The following SEMA6D variants were observed in gnomAD, a reference collection of about 807,000 sequenced individuals.
SEMA6D encodes semaphorin 6D.
A neutral mutation model predicts 106.6 loss-of-function variants in SEMA6D; 35 were observed. The observed-to-expected ratio is 0.33, with a 90% confidence interval of 0.25 to 0.44. The LOEUF is 0.44. Among genes scored for constraint, SEMA6D ranks in the 20% least tolerant of loss-of-function variants. The pLI is 1.00. For synonymous variants in SEMA6D, 499 were observed against 487.7 expected (o/e 1.02, Z -0.31); for missense variants, 1,185 against 1,345.9 (o/e 0.88, Z 1.87).
At chr15:47,601,561 A>G (rs138624435) in intron 4 of SEMA6D, among the ~76,000 whole-genome samples, 1 of 152,226 alleles carries the variant, frequency 6.6e-6, no homozygotes, top group African/African-American at 2.4e-5. Context: ...CATATGCTTC[A>G]GAAGGAAAAA....
chr15:47,656,398 G>A (rs2077795454), intron 4 of SEMA6D, among the ~76,000 whole-genome samples: 1 of 152,160 alleles, frequency 6.6e-6, no homozygotes, highest in Non-Finnish European at 1.5e-5. Context: ...AATATTTACT[G>A]TGTAAAGTGT....
chr15:47,289,015 T>C (rs1254687210), intron 1 of SEMA6D, among the ~76,000 whole-genome samples: 1 of 151,864 alleles, frequency 6.6e-6, no homozygotes, highest in Admixed American at 6.6e-5. Context: ...TGGAGAGAGA[T>C]TGAGGCCCAG....
At chr15:47,570,022 C>G (rs1327782026) in intron 3 of SEMA6D, among the ~76,000 whole-genome samples, 2 of 126,752 alleles carry the variant, frequency 1.6e-5, no homozygotes, top group South Asian at 2.8e-4. Flanking sequence ...GATCGCACCA[C>G]TGCACTCCCA....
intron 3 of SEMA6D, among the ~76,000 whole-genome samples, chr15:47,549,598 C>G (rs947907801): frequency 6.6e-6 from 1 of 151,978 alleles, no homozygotes; most frequent in Non-Finnish European, 1.5e-5. Flanking sequence ...TTTCAAAGAT[C>G]TAGAATACAA....
chr15:47,454,693 C>G (rs2042295563), intron 2 of SEMA6D, among the ~76,000 whole-genome samples: 1 of 151,818 alleles, frequency 6.6e-6, no homozygotes. Context: ...TTCTTATTCA[C>G]CTCAGCAACC....
intron 1 of SEMA6D, among the ~76,000 whole-genome samples, chr15:47,378,138 G>T (rs1595865872): frequency 6.6e-6 from 1 of 152,170 alleles, no homozygotes; most frequent in East Asian, 1.9e-4. Context: ...CAAAAGAAGT[G>T]TGTTTAAAGT....
chr15:47,443,480 C>T (rs1328524013), intron 2 of SEMA6D, among the ~76,000 whole-genome samples: 1 of 152,156 alleles, frequency 6.6e-6, no homozygotes, highest in South Asian at 2.1e-4. Flanking sequence ...AACACAGAGC[C>T]ATGCCCAGGC....
rs544677783 is a variant in SEMA6D at position 47,250,191 on chromosome 15, T to C, written c.-239+65773T>C. ...CACAGGAATGATTGTCTATATTTTG[T>C]AACTAAAGGAACATCCACTATGATA... is the stretch of plus-strand genomic sequence containing the variant. On this transcript the variant is annotated intron_variant, in intron 1 of 19. Coordinates refer to the SEMA6D transcript ENST00000558014. Among the ~76,000 whole-genome samples the C allele has an allele frequency of 3.3e-5, 5 of 152,294 alleles. No homozygotes were observed. The South Asian group carries it at 1.0e-3, about 32-fold the overall frequency.
chr15:47,537,766 A>G (rs921300233), intron 3 of SEMA6D, among the ~76,000 whole-genome samples: 6 of 152,160 alleles, frequency 3.9e-5, no homozygotes, highest in Admixed American at 2.0e-4. Flanking sequence ...ATCAAGGATA[A>G]ATGACGTGTG....
chr15:47,643,460 G>A (rs959093579), intron 4 of SEMA6D, among the ~76,000 whole-genome samples: 3 of 152,182 alleles, frequency 2.0e-5, no homozygotes, highest in African/African-American at 7.2e-5. Context: ...CAACATGAGA[G>A]CAGGTCTTCT....
chr15:47,737,054 TTAGGAAGGAAAAAGTAGGAGG>T (rs1316121375), intron 1 of SEMA6D, among the ~76,000 whole-genome samples: 7 of 152,012 alleles, frequency 4.6e-5, no homozygotes, highest in South Asian at 4.2e-4. Context: ...TTTCAGAAGC[TTAGGAAGGAAAAAGTAGGAGG>T]TAGGAAGGAA....
intron 1 of SEMA6D, among the ~76,000 whole-genome samples, chr15:47,203,384 G>GA (rs1319811714): frequency 1.3e-5 from 2 of 152,126 alleles, no homozygotes; most frequent in African/African-American, 4.8e-5. Flanking sequence ...TCAATCACTG[G>GA]AAAAGAGAAG....
chr15:47,477,592 G>A (rs1252324632), intron 3 of SEMA6D, among the ~76,000 whole-genome samples: 2 of 152,114 alleles, frequency 1.3e-5, no homozygotes, highest in Non-Finnish European at 2.9e-5. Context: ...TGTATTTAAT[G>A]TTTTAATAAG....
At chr15:47,449,291 G>A (rs1195940221) in intron 2 of SEMA6D, among the ~76,000 whole-genome samples, 1 of 152,076 alleles carries the variant, frequency 6.6e-6, no homozygotes, top group African/African-American at 2.4e-5. Context: ...CTGAAGATAT[G>A]TTTATGAAAA....
At chr15:47,701,273 A>G (rs368963192) in intron 4 of SEMA6D, among the ~76,000 whole-genome samples, 36 of 152,314 alleles carry the variant, frequency 2.4e-4, no homozygotes, top group South Asian at 1.2e-3. Context: ...CCCAATTAAA[A>G]AATAGGCCAA....
intron 1 of SEMA6D, among the ~76,000 whole-genome samples, chr15:47,748,336 A>G (rs1159853746): frequency 6.6e-6 from 1 of 152,112 alleles, no homozygotes; most frequent in Non-Finnish European, 1.5e-5. Flanking sequence ...TTCTTTCTTT[A>G]TTTCTTCCTC....
intron 1 of SEMA6D, among the ~76,000 whole-genome samples, chr15:47,346,052 G>A (rs2038033595): frequency 6.6e-6 from 1 of 152,102 alleles, no homozygotes; most frequent in African/African-American, 2.4e-5. Context: ...ATCACTAAAA[G>A]TCATCTTGTG....
chr15:47,597,617 TAAG>T (rs920652221), intron 3 of SEMA6D, among the ~76,000 whole-genome samples: 2 of 151,736 alleles, frequency 1.3e-5, no homozygotes, highest in Non-Finnish European at 2.9e-5. Flanking sequence ...ACCAGGCACA[TAAG>T]AAGAACAATT....
chr15:47,586,757 G>A (rs770360991), intron 3 of SEMA6D, among the ~76,000 whole-genome samples: 9 of 151,998 alleles, frequency 5.9e-5, no homozygotes, highest in African/African-American at 1.5e-4. Context: ...CCTGTAGAAC[G>A]TATTCACAAG....
Sources: gnomAD v4.1 joint callset for allele counts (sites outside exome capture counted in the v4.1 genomes callset) on GRCh38, gnomAD v4.1.1 for gene constraint, MANE v1.5 for transcripts, NCBI Gene and HGNC (gene_info 2026-07-23, HGNC 2026-07-21) for gene names.